RBFOX1: variants seen among roughly 807,000 people sequenced by gnomAD.
RBFOX1 encodes the protein RNA binding fox-1 homolog 1.
A neutral mutation model predicts 57.7 loss-of-function variants in RBFOX1; 8 were observed. The ratio of observed to expected loss-of-function variants is 0.14; its 90% CI spans 0.08 to 0.25. RBFOX1 has a LOEUF of 0.25. RBFOX1 is among the 10% of genes least tolerant of loss of function. RBFOX1 has a pLI of 1.00. For missense variants in RBFOX1, 611 were observed against 548.5 expected (o/e 1.11, Z -1.14); for synonymous variants, 326 against 222.4 (o/e 1.47, Z -4.15).
intron 3 of RBFOX1, among the ~76,000 whole-genome samples, chr16:5,618,482 C>T (rs578214937): frequency 5.5e-4 from 83 of 152,086 alleles, no homozygotes; most frequent in Non-Finnish European, 7.5e-4. Flanking sequence ...GGACTACAGG[C>T]GCCCGCCATC....
chr16:5,431,214 A>G (rs533731070), intron 1 of RBFOX1, among the ~76,000 whole-genome samples: 4 of 152,336 alleles, frequency 2.6e-5, no homozygotes, highest in South Asian at 2.1e-4. Context: ...CGATTCTCCA[A>G]AAATGCTGAA....
At chr16:5,745,631 C>A (rs2052949748) in intron 3 of RBFOX1, among the ~76,000 whole-genome samples, 1 of 152,166 alleles carries the variant, frequency 6.6e-6, no homozygotes, top group South Asian at 2.1e-4. Context: ...TAATGATCGC[C>A]ATTGTAACTG....
At chr16:6,357,875 C>A (rs1012747168) in intron 2 of RBFOX1, among the ~76,000 whole-genome samples, 1 of 151,332 alleles carries the variant, frequency 6.6e-6, no homozygotes, top group Admixed American at 6.6e-5. Context: ...TGCTTGAACC[C>A]TGGAGGTGGA....
chr16:6,513,753 A>C (rs1422031102), intron 2 of RBFOX1, among the ~76,000 whole-genome samples: 1 of 126,876 alleles, frequency 7.9e-6, no homozygotes, highest in Non-Finnish European at 1.8e-5. Flanking sequence ...ACAAACAAAC[A>C]AAAAAAAACA....
chr16:7,423,072 G>GGA (rs2098557821), intron 4 of RBFOX1: 1 of 141,972 alleles, frequency 7.0e-6, no homozygotes, highest in Non-Finnish European at 1.5e-5. Flanking sequence ...TCTGAAACTA[G>GGA]GAGAGAGAGA....
chr16:7,317,385 AAGCTCCCAG>A (rs991318973), intron 4 of RBFOX1, among the ~76,000 whole-genome samples: 1 of 152,056 alleles, frequency 6.6e-6, no homozygotes, highest in Admixed American at 6.6e-5. Flanking sequence ...TCTTAGGCCA[AAGCTCCCAG>A]AGCTCAGAAT....
intron 4 of RBFOX1, chr16:7,332,652 G>T: frequency 3.7e-6 from 2 of 542,048 alleles, no homozygotes; most frequent in Non-Finnish European, 5.0e-6. Flanking sequence ...CTGTCACTTG[G>T]TCTCTTGGTC....
intron 4 of RBFOX1, among the ~76,000 whole-genome samples, chr16:7,273,272 C>T (rs1036685820): frequency 8.6e-6 from 1 of 116,118 alleles, no homozygotes; most frequent in Admixed American, 1.1e-4. Flanking sequence ...CTCCCTTTCT[C>T]TTTTTCTCAT....
chr16:6,905,060 A>C (rs2069489381), intron 3 of RBFOX1, among the ~76,000 whole-genome samples: 1 of 152,158 alleles, frequency 6.6e-6, no homozygotes, highest in South Asian at 2.1e-4. Context: ...TGAATTACTT[A>C]ATAAACTTCG....
intron 3 of RBFOX1, among the ~76,000 whole-genome samples, chr16:6,881,242 G>A (rs760614678): frequency 6.6e-6 from 1 of 152,182 alleles, no homozygotes; most frequent in Admixed American, 6.5e-5. Flanking sequence ...TAGATATAAG[G>A]TTCCCAAGAT....
At chr16:6,007,137 C>T (rs1034633446) in intron 4 of RBFOX1, among the ~76,000 whole-genome samples, 1 of 152,202 alleles carries the variant, frequency 6.6e-6, no homozygotes, top group African/African-American at 2.4e-5. Context: ...AATGATCCCT[C>T]TCTCCTGGTA....
At chr16:7,096,946 A>AAAAG (rs1312280862) in intron 4 of RBFOX1, among the ~76,000 whole-genome samples, 1 of 151,032 alleles carries the variant, frequency 6.6e-6, no homozygotes, top group Non-Finnish European at 1.5e-5. Flanking sequence ...AAAAAAAAAA[A>AAAAG]AAAAAAGGAC....
chr16:7,538,066 G>T (rs976951912), intron 5 of RBFOX1, among the ~76,000 whole-genome samples: 1 of 152,186 alleles, frequency 6.6e-6, no homozygotes, highest in African/African-American at 2.4e-5. Context: ...GGAGGTACCC[G>T]CAGAGTGATC....
chr16:6,071,603 ATAAACT>A (rs2095838909), intron 1 of RBFOX1, among the ~76,000 whole-genome samples: 1 of 152,240 alleles, frequency 6.6e-6, no homozygotes, highest in Admixed American at 6.5e-5. Flanking sequence ...TGAAAAATTG[ATAAACT>A]TAAAAATCGA....
intron 4 of RBFOX1, among the ~76,000 whole-genome samples, chr16:5,975,555 C>G (rs1407048962): frequency 2.6e-5 from 4 of 152,194 alleles, no homozygotes; most frequent in African/African-American, 7.2e-5. Flanking sequence ...GCTGTTTTCA[C>G]AGGCACTGCT....
intron 3 of RBFOX1, among the ~76,000 whole-genome samples, chr16:6,762,424 C>T (rs370931417): frequency 1.4e-3 from 206 of 152,124 alleles, no homozygotes; most frequent in African/African-American, 4.8e-3. Flanking sequence ...AACATACCAC[C>T]ACCGACAATG....
At chr16:7,304,645 A>G (rs1173187560) in intron 4 of RBFOX1, among the ~76,000 whole-genome samples, 1 of 151,938 alleles carries the variant, frequency 6.6e-6, no homozygotes, top group Non-Finnish European at 1.5e-5. Flanking sequence ...CTCTCTGTGG[A>G]GCCCGGGCAC....
At chr16:5,384,663 GT>G (rs1406947679) in intron 1 of RBFOX1, among the ~76,000 whole-genome samples, 5 of 152,160 alleles carry the variant, frequency 3.3e-5, no homozygotes, top group Non-Finnish European at 5.9e-5. Flanking sequence ...TTTTATGATA[GT>G]TTTCGGAGAA....
chr16:7,608,398 G>A (rs2056769346), intron 10 of RBFOX1, among the ~76,000 whole-genome samples: 2 of 152,216 alleles, frequency 1.3e-5, no homozygotes, highest in African/African-American at 4.8e-5. Flanking sequence ...CAGGATAACT[G>A]ATTCCTGGAT....
Sources: gnomAD v4.1 joint callset for allele counts (sites outside exome capture counted in the v4.1 genomes callset) on GRCh38, gnomAD v4.1.1 for gene constraint, MANE v1.5 for transcripts, NCBI Gene and HGNC (gene_info 2026-07-23, HGNC 2026-07-21) for gene names.